The following TMEM132B variants were observed in gnomAD, a reference collection of about 807,000 sequenced individuals.
The protein encoded by TMEM132B is transmembrane protein 132B.
Under a neutral mutation model 90.8 loss-of-function variants are expected in TMEM132B, and 18 were observed. The observed-to-expected ratio is 0.20, with a 90% confidence interval of 0.14 to 0.29. The LOEUF (loss-of-function observed/expected upper bound fraction) is 0.29. Ranked by LOEUF, TMEM132B falls within the 10% of genes least tolerant of loss-of-function variation. The probability of loss-of-function intolerance (pLI) is 1.00; values close to 1 mark genes in which losing one functional copy is unlikely to be tolerated. For missense variants in TMEM132B, 1,096 were observed against 1,326.8 expected, an observed-to-expected ratio of 0.83 and a Z score of 2.70; for synonymous variants, 504 against 523.3, an observed-to-expected ratio of 0.96 and a Z score of 0.50.
intron 5 of TMEM132B, among the ~76,000 whole-genome samples, chr12:125,590,681 G>A (rs889472084): frequency 2.0e-5 from 3 of 152,220 alleles, no homozygotes; most frequent in African/African-American, 7.2e-5. Context: ...TAATGCATAT[G>A]ACTTCTATCC....
At chr12:125,208,972 C>G (rs1221037526) in intron 1 of TMEM132B, among the ~76,000 whole-genome samples, 1 of 152,130 alleles carries the variant, frequency 6.6e-6, no homozygotes, top group Non-Finnish European at 1.5e-5. Context: ...TAGCTGTGTC[C>G]CCTCTGAGTG....
At chr12:125,351,459 G>A (rs1479130233) in intron 2 of TMEM132B, among the ~76,000 whole-genome samples, 1 of 152,032 alleles carries the variant, frequency 6.6e-6, no homozygotes, top group East Asian at 1.9e-4. Flanking sequence ...GGAATACGGG[G>A]GCAGACAAAG....
intron 4 of TMEM132B, among the ~76,000 whole-genome samples, chr12:125,541,500 G>C (rs1883956241): frequency 6.6e-6 from 1 of 152,172 alleles, no homozygotes; most frequent in Non-Finnish European, 1.5e-5. Context: ...TGAGAGGTTG[G>C]AGTGTCAAAT....
chr12:125,334,993 C>T (rs888241314), intron 1 of TMEM132B, among the ~76,000 whole-genome samples: 1 of 152,228 alleles, frequency 6.6e-6, no homozygotes, highest in African/African-American at 2.4e-5. Context: ...TTTGTCCCTG[C>T]CCGCTGAGAT....
At chr12:125,309,155 A>G (rs2136174456) in intron 1 of TMEM132B, among the ~76,000 whole-genome samples, 1 of 152,318 alleles carries the variant, frequency 6.6e-6, no homozygotes, top group Admixed American at 6.5e-5. Flanking sequence ...TAAACTGAAC[A>G]TTGTGGTCAG....
intron 4 of TMEM132B, among the ~76,000 whole-genome samples, chr12:125,523,268 G>T (rs554843812): frequency 2.2e-4 from 33 of 152,308 alleles, no homozygotes; most frequent in African/African-American, 7.5e-4. Context: ...CTAAAGCAAA[G>T]TTGTCAGGAG....
At chr12:125,556,899 C>T (rs549979064) in intron 4 of TMEM132B, among the ~76,000 whole-genome samples, 4 of 152,216 alleles carry the variant, frequency 2.6e-5, no homozygotes, top group South Asian at 2.1e-4. Flanking sequence ...GGACTACAGG[C>T]GCCCGCCACC....
intron 4 of TMEM132B, among the ~76,000 whole-genome samples, chr12:125,533,319 G>A (rs1883697050): frequency 6.6e-6 from 1 of 152,238 alleles, no homozygotes; most frequent in Non-Finnish European, 1.5e-5. Context: ...ACTTAAGATA[G>A]TGATGAAATT....
At chr12:125,537,919 G>T (rs1566067010) in intron 4 of TMEM132B, among the ~76,000 whole-genome samples, 1 of 152,218 alleles carries the variant, frequency 6.6e-6, no homozygotes, top group Non-Finnish European at 1.5e-5. Flanking sequence ...CCTCCCCAGA[G>T]GCCACTTGAC....
chr12:125,526,484 C>A (rs1389924564), intron 4 of TMEM132B, among the ~76,000 whole-genome samples: 5 of 152,202 alleles, frequency 3.3e-5, no homozygotes, highest in African/African-American at 1.2e-4. Flanking sequence ...TGTAATCTTA[C>A]CTGTGACAGC....
intron 6 of TMEM132B, among the ~76,000 whole-genome samples, chr12:125,649,218 T>C (rs567213625): frequency 1.3e-5 from 2 of 152,306 alleles, no homozygotes; most frequent in Non-Finnish European, 2.9e-5. Context: ...AGGCGGAATG[T>C]CATATAGTAA....
At chr12:125,379,010 C>T (rs1188445416) in intron 2 of TMEM132B, among the ~76,000 whole-genome samples, 1 of 152,178 alleles carries the variant, frequency 6.6e-6, no homozygotes, top group Non-Finnish European at 1.5e-5. Flanking sequence ...GCACCTATCA[C>T]TGCCTTGCCT....
chr12:125,196,866 C>T (rs565806960), intron 1 of TMEM132B, among the ~76,000 whole-genome samples: 88 of 152,218 alleles, frequency 5.8e-4, no homozygotes, highest in Middle Eastern at 3.4e-3. Flanking sequence ...ATGCTTGACG[C>T]GACCAGGGCT....
chr12:125,299,826 C>T (rs1875773704), intron 1 of TMEM132B, among the ~76,000 whole-genome samples: 1 of 152,238 alleles, frequency 6.6e-6, no homozygotes, highest in African/African-American at 2.4e-5. Context: ...GGTTCACTCT[C>T]CTGGACCGGC....
chr12:125,276,528 A>G (rs899394084), intron 1 of TMEM132B, among the ~76,000 whole-genome samples: 4 of 152,188 alleles, frequency 2.6e-5, no homozygotes, highest in East Asian at 1.9e-4. Context: ...AGGCATCTCA[A>G]TGCTGTCTGG....
At position 125,209,643 on chromosome 12, in the gene TMEM132B, G is replaced by A. The variant is rs1330586751; in HGVS notation, c.67+22777G>A. Among the ~76,000 whole-genome samples, 1 of 152,232 alleles carries A rather than the reference G, an allele frequency of 6.6e-6. No individual in the cohort carries two copies. Among genetic ancestry groups the A allele is most frequent in the Non-Finnish European group, 1.5e-5 (1 of 68,038 alleles). On this transcript the variant is annotated intron_variant, in intron 1 of 8. Transcript: ENST00000682704. This position sits in a 1 kb window ranked among gnomAD's most constrained non-coding sequence, Gnocchi z 4.4. ...CACCGGCCATTGGCCCAGATCACAG[G>A]CACCTCTTTGGCAGATGTGGAGTCT...
At chr12:125,310,602 TCTCTACTCGGAAAG>T (rs1422764646) in intron 1 of TMEM132B, among the ~76,000 whole-genome samples, 1 of 152,040 alleles carries the variant, frequency 6.6e-6, no homozygotes, top group Non-Finnish European at 1.5e-5. Flanking sequence ...AGGTAAGACT[TCTCTACTCGGAAAG>T]CTCCCAGCCA....
At chr12:125,311,882 G>A (rs1040680557) in intron 1 of TMEM132B, among the ~76,000 whole-genome samples, 1 of 152,174 alleles carries the variant, frequency 6.6e-6, no homozygotes, top group Non-Finnish European at 1.5e-5. Flanking sequence ...TGACCTCCAG[G>A]AACTGCTAGA....
chr12:125,332,410 C>CT (rs1566004416), intron 1 of TMEM132B, among the ~76,000 whole-genome samples: 1 of 151,930 alleles, frequency 6.6e-6, no homozygotes, highest in African/African-American at 2.4e-5. Context: ...ATTTTACTTT[C>CT]TTTTATTCTT....
Sources: allele counts gnomAD v4.1 joint callset (sites outside exome capture counted in the v4.1 genomes callset), GRCh38; gene constraint gnomAD v4.1.1; non-coding constraint Gnocchi (gnomAD v3.1); transcripts MANE v1.5; gene names NCBI Gene and HGNC (gene_info 2026-07-23, HGNC 2026-07-21).